The following ARID1A variants were observed in gnomAD, a reference collection of about 807,000 sequenced individuals.
ARID1A encodes AT-rich interactive domain-containing protein 1A.
In ARID1A, 20 loss-of-function variants were observed where a neutral mutation model predicts 212.6. The ratio of observed to expected loss-of-function variants is 0.09; its 90% CI spans 0.07 to 0.14. ARID1A has a LOEUF of 0.14. ARID1A is among the 10% of genes least tolerant of loss of function. The probability of loss-of-function intolerance (pLI) is 1.00; values close to 1 mark genes in which losing one functional copy is unlikely to be tolerated. For synonymous variants in ARID1A, 1,376 were observed against 1,222.1 expected (o/e 1.13, Z -2.63); for missense variants, 2,587 against 3,059.0 (o/e 0.85, Z 3.64).
Position 26,773,680 on chromosome 1 carries a change from C to T in ARID1A, c.3967C>T (p.Arg1323Cys), listed in dbSNP as rs587778051. The T allele has an allele frequency of 1.3e-4, 208 of 1,614,026 alleles. No homozygotes were observed. Among genetic ancestry groups the T allele is most frequent in the Non-Finnish European group, 1.6e-4 (194 of 1,180,028 alleles). Residue 1323 changes from arginine to cysteine, a missense_variant, in exon 16 of 20, where the codon CGC becomes TGC. Around this residue, in one of 11 missense-constraint regions of ARID1A, gnomAD observed 890 missense variants for 1,098.2 expected, o/e 0.81. Transcript: ENST00000324856. ...NPDSGMYSPS[R>C]YPPQQQQQQQ... ...AGACTCGGGGATGTATTCTCCTAGC[C>T]GCTACCCCCCGCAGCAGCAGCAGCA... is the stretch of plus-strand genomic sequence containing the variant.
chr1:26,717,057 C>G (rs1223139951), intron 1 of ARID1A, among the ~76,000 whole-genome samples: 2 of 152,186 alleles, frequency 1.3e-5, no homozygotes, highest in African/African-American at 2.4e-5. Context: ...TATTTCCAAA[C>G]ACTTCTCAGT....
At chr1:26,703,241 T>A (rs2080347929) in intron 1 of ARID1A, among the ~76,000 whole-genome samples, 1 of 152,234 alleles carries the variant, frequency 6.6e-6, no homozygotes, top group Admixed American at 6.5e-5. Flanking sequence ...AGATACAGTC[T>A]TTGTTTTTGA....
intron 4 of ARID1A, among the ~76,000 whole-genome samples, chr1:26,750,650 T>C (rs1456067205): frequency 1.3e-5 from 2 of 151,928 alleles, no homozygotes; most frequent in Admixed American, 6.6e-5. Context: ...ATTTTTTTTT[T>C]CTCTGTGAGC....
At chr1:26,729,566 TA>T in intron 1 of ARID1A, 84 bp from the exon 2 acceptor site, 15 of 1,486,378 alleles carry the variant, frequency 1.0e-5, no homozygotes, top group East Asian at 2.3e-5. Context: ...GCATACAGAC[TA>T]AAAAAACCTG....
chr1:26,752,020 C>CT (rs1570594206), intron 4 of ARID1A, among the ~76,000 whole-genome samples: 1 of 152,136 alleles, frequency 6.6e-6, no homozygotes, highest in African/African-American at 2.4e-5. Flanking sequence ...GGAAACTTGA[C>CT]GGGGGCAAGT....
intron 4 of ARID1A, among the ~76,000 whole-genome samples, chr1:26,742,841 G>A (rs1390053569): frequency 6.6e-6 from 1 of 152,086 alleles, no homozygotes; most frequent in Non-Finnish European, 1.5e-5. Context: ...GTGGTGGCAT[G>A]CACCTGTGAT....
rs2124123882 is a variant in ARID1A at position 26,775,171 on chromosome 1, C to G, written c.4944C>G (p.Ala1648=). The change falls in exon 18 of 20, where the codon GCC becomes GCG. Residue 1648 remains alanine, a synonymous_variant. Transcript: ENST00000324856. ...DITFPPGSVE[A]TQPVLKQRRR... ...CCTTCCCACCTGGCTCTGTTGAAGC[C>G]ACACAGCCTGTGTTGAAGCAGAGGA... 6.2e-7 allele frequency: 1 copy of G among 1,609,624 alleles called. No homozygotes were observed. Among genetic ancestry groups the G allele is most frequent in the Non-Finnish European group, 8.5e-7 (1 of 1,178,440 alleles).
chr1:26,726,308 G>C (rs1034333912), intron 1 of ARID1A, among the ~76,000 whole-genome samples: 1 of 151,906 alleles, frequency 6.6e-6, no homozygotes, highest in African/African-American at 2.4e-5. Flanking sequence ...GAGTAGCTGG[G>C]ACTTATAGGC....
At chr1:26,772,383 G>C in intron 12 of ARID1A, 117 bp from the exon 13 acceptor site, 2 of 1,461,426 alleles carry the variant, frequency 1.4e-6, no homozygotes, top group Non-Finnish European at 1.9e-6. Context: ...GGGTGATCAG[G>C]CTTTAAAGGC....
At chr1:26,775,265 A>G (rs765933821) in intron 18 of ARID1A, 45 bp downstream of exon 18, 7 of 1,526,692 alleles carry the variant, frequency 4.6e-6, no homozygotes, top group Non-Finnish European at 6.1e-6. Flanking sequence ...GCCCCTTTCC[A>G]TCTTGTCCAT....
chr1:26,705,708 G>A (rs185789263), intron 1 of ARID1A, among the ~76,000 whole-genome samples: 20 of 152,276 alleles, frequency 1.3e-4, no homozygotes, highest in Non-Finnish European at 2.2e-4. Flanking sequence ...GTAGCCTTGA[G>A]TATTCTTCCT....
At chr1:26,705,585 A>G (rs1301344489) in intron 1 of ARID1A, among the ~76,000 whole-genome samples, 1 of 151,824 alleles carries the variant, frequency 6.6e-6, no homozygotes, top group Non-Finnish European at 1.5e-5. Flanking sequence ...GTTTTCAGTT[A>G]CTCAGAATTG....
chr1:26,697,222 C>T lies in ARID1A; in HGVS notation c.819C>T (p.Ala273=), dbSNP rs2080276601. 4.3e-6 allele frequency: 6 copies of T among 1,382,496 alleles called. No individual in the cohort carries two copies. The highest frequency in any genetic ancestry group is 1.7e-5 in the South Asian group (1 of 58,710). 85.6% of individuals were successfully genotyped at this position (1,382,496 alleles called of 1,614,324 possible). Residue 273 remains alanine (A), a synonymous_variant, in exon 1 of 20, where the codon GCC becomes GCT. Coordinates refer to ENST00000324856, the MANE Select transcript of ARID1A (RefSeq NM_006015.6). ...SSSFAQQRFG[A]MGGGGPSAAG... ...CCTTCGCTCAGCAGCGCTTCGGGGC[C>T]ATGGGGGGAGGCGGCCCCTCCGCGG...
Position 26,696,351 on chromosome 1 carries a change from G to A in ARID1A, c.-53G>A, listed in dbSNP as rs1168787034. 2.2e-5 allele frequency: 27 copies of A among 1,214,590 alleles called. No individual in the cohort carries two copies. Among genetic ancestry groups the A allele is most frequent in the Non-Finnish European group, 2.6e-5 (25 of 976,022 alleles). 75.2% of individuals were successfully genotyped at this position (1,214,590 alleles called of 1,614,324 possible). A position where few individuals can be genotyped will look rare whatever the true frequency, so the allele number is the denominator to read the frequency against. ...GGGCCCCGGGGCGGGGTGGGAGGGG[G>A]GGAGAAGACGAAGACAGGGCCGGGT... On this transcript the variant is annotated 5_prime_UTR_variant, in exon 1 of 20. Coordinates refer to ENST00000324856, the MANE Select transcript of ARID1A (RefSeq NM_006015.6).
intron 4 of ARID1A, among the ~76,000 whole-genome samples, chr1:26,736,928 C>T (rs34216334): frequency 0.06 from 8,883 of 149,194 alleles, 322 homozygotes; most frequent in Non-Finnish European, 0.08. Flanking sequence ...AAAAACCCTG[C>T]ACAATATATA....
At chr1:26,737,641 G>A (rs935204354) in intron 4 of ARID1A, among the ~76,000 whole-genome samples, 13 of 152,012 alleles carry the variant, frequency 8.6e-5, no homozygotes, top group Admixed American at 6.5e-5. Flanking sequence ...TGAGGTGGGC[G>A]GATCACCTGA....
chr1:26,725,156 C>T (rs2080604639), intron 1 of ARID1A, among the ~76,000 whole-genome samples: 1 of 151,936 alleles, frequency 6.6e-6, no homozygotes, highest in South Asian at 2.1e-4. Flanking sequence ...AAAGGATTTC[C>T]TCTGTCTTTC....
At chr1:26,697,648 A>G (rs896282942) in intron 1 of ARID1A, 108 bp downstream of exon 1, 25 of 1,083,210 alleles carry the variant, frequency 2.3e-5, no homozygotes, top group Non-Finnish European at 2.9e-5. Context: ...CCGGGCCCCC[A>G]CTGCTGGGGA....
In ARID1A at chr1:26,696,374, G is replaced by A; in HGVS notation, c.-30G>A. On this transcript the variant is annotated 5_prime_UTR_variant, in exon 1 of 20. Coordinates refer to ENST00000324856, the MANE Select transcript of ARID1A (RefSeq NM_006015.6). ...GGGGGAGAAGACGAAGACAGGGCCGGGTCTCTCCGCGGACGAGACAGCGGG... is the reference window on the plus strand; with the variant it reads ...GGGGGAGAAGACGAAGACAGGGCCGAGTCTCTCCGCGGACGAGACAGCGGG... 1.6e-6 allele frequency: 2 copies of A among 1,238,480 alleles called. No homozygotes were observed. The highest frequency in any genetic ancestry group is 1.0e-6 in the Non-Finnish European group (1 of 990,018). The allele number at this position is 1,238,480 out of a possible 1,614,324, so 76.7% of individuals were successfully genotyped here. A position where few individuals can be genotyped will look rare whatever the true frequency, so the allele number is the denominator to read the frequency against.
Sources: allele counts gnomAD v4.1 joint callset (sites outside exome capture counted in the v4.1 genomes callset), GRCh38; gene constraint gnomAD v4.1.1; regional missense constraint gnomAD v4.1.1; transcripts MANE v1.5; gene names NCBI Gene and HGNC (gene_info 2026-07-23, HGNC 2026-07-21).